Variants in CCSER1 observed in about 807,000 individuals in gnomAD.
The protein encoded by CCSER1 is coiled-coil serine rich protein 1, also known as serine-rich coiled-coil domain-containing protein 1.
Under a neutral mutation model 82.0 loss-of-function variants are expected in CCSER1, and 41 were observed. The ratio of observed to expected loss-of-function variants is 0.50; its 90% CI spans 0.39 to 0.65. The LOEUF (loss-of-function observed/expected upper bound fraction) is 0.65. Ranked by LOEUF, CCSER1 falls within the 30% of genes least tolerant of loss-of-function variation. The pLI, the probability that CCSER1 is intolerant of heterozygous loss-of-function variation, is 0.00. For synonymous variants in CCSER1, 414 were observed against 383.9 expected (o/e 1.08, Z -0.92); for missense variants, 1,119 against 1,064.2 (o/e 1.05, Z -0.72).
intron 1 of CCSER1, among the ~76,000 whole-genome samples, chr4:90,171,255 A>C (rs1396971843): frequency 6.6e-6 from 1 of 151,816 alleles, no homozygotes; most frequent in Non-Finnish European, 1.5e-5. Context: ...TAAAAAATTT[A>C]TACTAAGAGA....
rs189477305 is a variant in CCSER1 at position 91,403,159 on chromosome 4, T to G, written c.2218-195413T>G. Among the ~76,000 whole-genome samples the G allele has an allele frequency of 3.0e-3, 454 of 152,310 alleles. 1 individual carries two copies. Among genetic ancestry groups the G allele is most frequent in the African/African-American group, 0.01 (427 of 41,580 alleles). ...GGTATTTTATTCTCTTTGTAGCAAT[T>G]GTGAATGGGAGTTCACTCATGGTTT... On this transcript the variant is annotated intron_variant, in intron 10 of 10. Coordinates refer to ENST00000509176, the MANE Select transcript of CCSER1 (RefSeq NM_001145065.2).
At chr4:91,278,166 A>G (rs1742625834) in intron 10 of CCSER1, among the ~76,000 whole-genome samples, 2 of 152,100 alleles carry the variant, frequency 1.3e-5, no homozygotes. Context: ...CAGATGAAAT[A>G]ATCCGTAAAT....
intron 8 of CCSER1, among the ~76,000 whole-genome samples, chr4:90,912,881 G>A (rs967233852): frequency 2.6e-5 from 4 of 152,178 alleles, no homozygotes; most frequent in South Asian, 4.2e-4. Flanking sequence ...TGGAAGAAAG[G>A]GTATCAGTGA....
At chr4:90,973,152 TAGAC>T (rs1310302539) in intron 9 of CCSER1, among the ~76,000 whole-genome samples, 8 of 151,610 alleles carry the variant, frequency 5.3e-5, no homozygotes, top group African/African-American at 1.9e-4. Context: ...AAAACAGAAA[TAGAC>T]AAGTAGGTTT....
chr4:91,467,266 A>G (rs1756971134), intron 10 of CCSER1, among the ~76,000 whole-genome samples: 1 of 152,258 alleles, frequency 6.6e-6, no homozygotes, highest in South Asian at 2.1e-4. Context: ...TTCCCTATTT[A>G]ATAAATGGTA....
intron 4 of CCSER1, among the ~76,000 whole-genome samples, chr4:90,407,057 A>G (rs570925109): frequency 1.3e-5 from 2 of 152,338 alleles, no homozygotes; most frequent in Admixed American, 6.5e-5. Flanking sequence ...AAGACAAAAG[A>G]TAAGTGAATC....
chr4:90,792,398 T>C (rs17186760), intron 7 of CCSER1, among the ~76,000 whole-genome samples: 60,937 of 151,942 alleles, frequency 0.4, 14,370 homozygotes, highest in Non-Finnish European at 0.53. Context: ...GGGCTTTACT[T>C]TCTCTTTTTT....
At chr4:91,181,067 A>G (rs769780808) in intron 10 of CCSER1, among the ~76,000 whole-genome samples, 1 of 152,220 alleles carries the variant, frequency 6.6e-6, no homozygotes, top group African/African-American at 2.4e-5. Flanking sequence ...CCTCATTCCC[A>G]TAAACCCACA....
Position 91,536,356 on chromosome 4 carries a change from C to T in CCSER1, c.2218-62216C>T, listed in dbSNP as rs574399130. 2.1e-3 allele frequency among the ~76,000 whole-genome samples: 325 copies of T among 152,110 alleles called. 3 individuals carry two copies. In the South Asian group the frequency reaches 0.032, roughly 15 times the overall value. The stretch of plus-strand genomic sequence containing the variant: ...TTGTATTTAGATCATGTTTAGCTGC[C>T]AAACATTCACCAGTACATGATAGAG... On this transcript the variant is annotated intron_variant, in intron 10 of 10. Coordinates refer to ENST00000509176, the MANE Select transcript of CCSER1 (RefSeq NM_001145065.2).
chr4:90,472,690 A>T (rs576696356), intron 5 of CCSER1, among the ~76,000 whole-genome samples: 168 of 152,302 alleles, frequency 1.1e-3, no homozygotes, highest in Non-Finnish European at 2.1e-3. Flanking sequence ...TAAACTTTTT[A>T]AAAAATAGAA....
intron 4 of CCSER1, among the ~76,000 whole-genome samples, chr4:90,401,784 C>T (rs994754954): frequency 6.6e-6 from 1 of 152,192 alleles, no homozygotes; most frequent in Admixed American, 6.5e-5. Flanking sequence ...TTGCCTCCGT[C>T]TCCCAAAGTG....
rs1239596150 is a variant in CCSER1, at chr4:91,604,684, T to TA, written c.*5633dup. 2.0e-5 allele frequency: 3 copies of TA among 152,064 alleles called. No homozygotes were observed. Among genetic ancestry groups the TA allele is most frequent in the Non-Finnish European group, 4.4e-5 (3 of 67,932 alleles). The allele number at this position is 152,064 out of a possible 1,614,324, so 9.4% of individuals were successfully genotyped here. ...CTGTTTGTATTGCCTTATACATACTTAAAAAACAAGATATTTACAAAAATA... is the reference window on the plus strand; with the variant it reads ...CTGTTTGTATTGCCTTATACATACTTAAAAAAACAAGATATTTACAAAAATA... On this transcript the variant is annotated 3_prime_UTR_variant, in exon 11 of 11. Coordinates refer to ENST00000509176, the MANE Select transcript of CCSER1 (RefSeq NM_001145065.2).
At chr4:90,686,093 T>G (rs1734769504) in intron 6 of CCSER1, among the ~76,000 whole-genome samples, 1 of 152,118 alleles carries the variant, frequency 6.6e-6, no homozygotes, top group East Asian at 1.9e-4. Flanking sequence ...CCTTAAGAAT[T>G]TATTTGGCTT....
intron 5 of CCSER1, among the ~76,000 whole-genome samples, chr4:90,621,945 C>G (rs1316279210): frequency 6.6e-6 from 1 of 152,204 alleles, no homozygotes; most frequent in Admixed American, 6.5e-5. Flanking sequence ...CTGACACTAC[C>G]ACAGTGGCAA....
chr4:91,172,580 C>T (rs939014220), intron 10 of CCSER1, among the ~76,000 whole-genome samples: 1 of 152,154 alleles, frequency 6.6e-6, no homozygotes, highest in African/African-American at 2.4e-5. Flanking sequence ...ATGCCGGGTG[C>T]TTTGCTGAGT....
chr4:90,391,530 T>C (rs1054504895), intron 3 of CCSER1, among the ~76,000 whole-genome samples: 4 of 131,128 alleles, frequency 3.1e-5, no homozygotes, highest in Non-Finnish European at 4.8e-5. Context: ...TATATATATA[T>C]ACTGTGTACT....
At chr4:90,791,646 C>A (rs1269645473) in intron 7 of CCSER1, among the ~76,000 whole-genome samples, 2 of 151,994 alleles carry the variant, frequency 1.3e-5, no homozygotes, top group Non-Finnish European at 2.9e-5. Flanking sequence ...GTCAGGAGAT[C>A]AAGACCATCC....
intron 10 of CCSER1, among the ~76,000 whole-genome samples, chr4:91,490,927 T>TATATATATAA (rs1560712521): frequency 1.2e-5 from 1 of 82,916 alleles, no homozygotes; most frequent in Admixed American, 1.4e-4. Context: ...TATATATATA[T>TATATATATAA]AAAATATGCG....
chr4:91,506,911 C>A (rs1026788279), intron 10 of CCSER1, among the ~76,000 whole-genome samples: 2 of 152,160 alleles, frequency 1.3e-5, no homozygotes, highest in South Asian at 2.1e-4. Context: ...GTTTTTGTGA[C>A]CATCACTTAG....
Sources: allele counts gnomAD v4.1 joint callset (sites outside exome capture counted in the v4.1 genomes callset), GRCh38; gene constraint gnomAD v4.1.1; transcripts MANE v1.5; gene names NCBI Gene and HGNC (gene_info 2026-07-23, HGNC 2026-07-21).